Variants in RNF128 observed in about 807,000 individuals in gnomAD.
RNF128 encodes the protein E3 ubiquitin-protein ligase RNF128.
In RNF128, 13 loss-of-function variants were observed where a neutral mutation model predicts 26.2. The observed-to-expected ratio is 0.50, with a 90% CI of 0.32 to 0.79. The LOEUF is 0.79. Ranked by LOEUF, RNF128 falls within the 30% of genes least tolerant of loss-of-function variation. The pLI, the probability that RNF128 is intolerant of heterozygous loss-of-function variation, is 0.03. For missense variants in RNF128, 315 were observed against 349.7 expected, an observed-to-expected ratio of 0.90 and a Z score of 0.79; for synonymous variants, 149 against 142.5, an observed-to-expected ratio of 1.05 and a Z score of -0.32.
intron 1 of RNF128, among the ~76,000 whole-genome samples, chrX:106,745,226 C>A (rs758162206): frequency 6.3e-5 from 7 of 111,323 alleles, no homozygotes; most frequent in Admixed American, 9.6e-5. Context: ...AGGTGCAGGG[C>A]AGAAAGGCAA....
intron 1 of RNF128, among the ~76,000 whole-genome samples, chrX:106,771,555 G>T (rs1024161308): frequency 1.8e-5 from 2 of 113,023 alleles, no homozygotes; most frequent in East Asian, 2.8e-4. Flanking sequence ...CTCTGAGCCA[G>T]GCGCGGGTTA....
At chrX:106,725,615 G>A (rs1274206378), upstream of RNF128, among the ~76,000 whole-genome samples, 2 of 112,302 alleles carry the variant, frequency 1.8e-5, no homozygotes, top group African/African-American at 6.5e-5. Flanking sequence ...CTCTGAACCT[G>A]TTTAATAATT....
At chrX:106,785,412 A>C (rs761564525) in intron 3 of RNF128, among the ~76,000 whole-genome samples, 1 of 111,857 alleles carries the variant, frequency 8.9e-6, no homozygotes, top group South Asian at 3.7e-4. Flanking sequence ...ATCCTGGATT[A>C]TCCAGATAGA....
chrX:106,747,351 T>G (rs1929808536), intron 1 of RNF128, among the ~76,000 whole-genome samples: 1 of 112,047 alleles, frequency 8.9e-6, no homozygotes, highest in African/African-American at 3.2e-5. Context: ...TTATCAGTTT[T>G]TCTCATCAGA....
intron 6 of RNF128, among the ~76,000 whole-genome samples, chrX:106,792,931 T>G (rs1026717119): frequency 8.9e-6 from 1 of 112,165 alleles, no homozygotes; most frequent in Non-Finnish European, 1.9e-5. Context: ...GATTACATAT[T>G]ACTAGTTTAA....
intron 2 of RNF128, among the ~76,000 whole-genome samples, chrX:106,775,202 G>A (rs776685175): frequency 7.2e-5 from 8 of 111,710 alleles, no homozygotes; most frequent in Non-Finnish European, 1.3e-4. Context: ...TATATTGTGC[G>A]GTTTTTTATC....
At chrX:106,766,376 G>A (rs1222991825) in intron 1 of RNF128, among the ~76,000 whole-genome samples, 1 of 112,041 alleles carries the variant, frequency 8.9e-6, no homozygotes, top group African/African-American at 3.2e-5. Context: ...TCCAGTACCT[G>A]TTGTTTCCTG....
chrX:106,746,024 A>G (rs1470253782), intron 1 of RNF128, among the ~76,000 whole-genome samples: 1 of 111,229 alleles, frequency 9.0e-6, no homozygotes, highest in African/African-American at 3.3e-5. Flanking sequence ...TTGGTTCCAG[A>G]TTTTATAATG....
intron 1 of RNF128, among the ~76,000 whole-genome samples, chrX:106,771,332 C>T (rs936506615): frequency 2.7e-5 from 3 of 112,827 alleles, no homozygotes; most frequent in African/African-American, 9.7e-5. Context: ...CTTTTGTTCA[C>T]CTATGCCCTA....
At chrX:106,736,972 A>G (rs1219160494) in intron 1 of RNF128, among the ~76,000 whole-genome samples, 2 of 111,344 alleles carry the variant, frequency 1.8e-5, no homozygotes, top group Non-Finnish European at 3.8e-5. Context: ...AGCCCCATCG[A>G]GTATGGATTA....
chrX:106,718,775 A>G (rs950524807), intron 1 of RNF128, among the ~76,000 whole-genome samples: 1 of 112,016 alleles, frequency 8.9e-6, no homozygotes, highest in African/African-American at 3.2e-5. Context: ...CCTGCTACCA[A>G]CATAACCGTA....
chrX:106,756,638 A>G (rs1471082058), intron 1 of RNF128, among the ~76,000 whole-genome samples: 4 of 109,967 alleles, frequency 3.6e-5, no homozygotes, highest in Non-Finnish European at 1.9e-5. Context: ...AAAACCCTAG[A>G]AGAAAACCTA....
chrX:106,766,929 T>C (rs372395931), intron 1 of RNF128, among the ~76,000 whole-genome samples: 12 of 111,695 alleles, frequency 1.1e-4, no homozygotes, highest in Admixed American at 1.9e-4. Context: ...CAGCTTTCTA[T>C]ATATGGCTAG....
rs749990844 is a variant in RNF128, at chrX:106,791,193, G to C, written c.1112G>C (p.Gly371Ala). Residue 371 changes from glycine (G) to alanine (A), a missense_variant, in exon 6 of 7, where the codon GGA (glycine) becomes GCA (alanine). By Grantham distance (60) the Gly-to-Ala change is moderately conservative. Coordinates refer to ENST00000255499, the MANE Select transcript of RNF128 (RefSeq NM_194463.2). ...TASSGYASVQ[G>A]TDEPPLEEHV... is the part of the protein sequence containing the mutation. ...TCATCTGGATATGCTTCAGTACAGG[G>C]AACAGATGAACCGCCTCTGGAGGAA... is the stretch of plus-strand genomic sequence containing the variant. The C allele has an allele frequency of 1.7e-6, 2 of 1,207,191 alleles. No homozygotes were observed. The highest frequency in any genetic ancestry group is 4.4e-5 in the Admixed American group (2 of 45,441).
At chrX:106,709,569 G>A (rs1839030007) in intron 1 of RNF128, among the ~76,000 whole-genome samples, 1 of 108,610 alleles carries the variant, frequency 9.2e-6, no homozygotes, top group African/African-American at 3.4e-5. Flanking sequence ...TTTTTTAGAT[G>A]GAGTTTCGCT....
chrX:106,751,799 AG>A (rs1210589239), intron 1 of RNF128, among the ~76,000 whole-genome samples: 1 of 109,366 alleles, frequency 9.1e-6, no homozygotes. Flanking sequence ...TTTGAAGGAA[AG>A]GACCCAGTTC....
At chrX:106,789,086 GTATATAGTATA>G (rs1227955612) in intron 4 of RNF128, among the ~76,000 whole-genome samples, 3 of 81,323 alleles carry the variant, frequency 3.7e-5, no homozygotes, top group African/African-American at 1.4e-4. Flanking sequence ...ATACTATATA[GTATATAGTATA>G]TATATACTAT....
chrX:106,745,834 G>A (rs1369426173), intron 1 of RNF128, among the ~76,000 whole-genome samples: 2 of 111,166 alleles, frequency 1.8e-5, no homozygotes, highest in Admixed American at 9.6e-5. Context: ...TAAAAGTTTA[G>A]ATTTTTTTTT....
chrX:106,741,316 A>G (rs1929698633), intron 1 of RNF128, among the ~76,000 whole-genome samples: 1 of 111,460 alleles, frequency 9.0e-6, no homozygotes, highest in Admixed American at 9.6e-5. Context: ...TAACCATCCA[A>G]GCCATCAGCC....
Sources: gnomAD v4.1 joint callset for allele counts (sites outside exome capture counted in the v4.1 genomes callset) on GRCh38, gnomAD v4.1.1 for gene constraint, MANE v1.5 for transcripts, NCBI Gene and HGNC (gene_info 2026-07-23, HGNC 2026-07-21) for gene names.